Variants in ELP2 observed in about 807,000 individuals in gnomAD.
ELP2 encodes elongator acetyltransferase complex subunit 2, also known as elongator complex protein 2.
ELP2 carries 90 observed loss-of-function variants against 119.2 expected under a neutral mutation model. The observed-to-expected ratio is 0.75, with a 90% confidence interval of 0.64 to 0.90. The LOEUF (loss-of-function observed/expected upper bound fraction) is 0.90. Among genes scored for constraint, ELP2 ranks in the 40% least tolerant of loss-of-function variants. The pLI is 0.00. For synonymous variants in ELP2, 339 were observed against 331.0 expected (o/e 1.02, Z -0.26); for missense variants, 921 against 967.8 (o/e 0.95, Z 0.64).
Position 36,144,926 on chromosome 18 carries a change from G to T in ELP2, c.797-13G>T. On this transcript the variant is annotated splice_polypyrimidine_tract_variant and intron_variant, in intron 8 of 21. Transcript: ENST00000358232. ...GCTTTGAGGAAATAATACCTTCATT[G>T]CTTTTGTTATAGGTGTTAAAATAGC... 1.2e-6 allele frequency: 2 copies of T among 1,600,274 alleles called. No homozygotes were observed. The highest frequency in any genetic ancestry group is 1.7e-6 in the Non-Finnish European group (2 of 1,167,630).
At chr18:36,146,499 A>C in intron 11 of ELP2, 118 bp downstream of exon 11, 1 of 1,146,978 alleles carries the variant, frequency 8.7e-7, no homozygotes, top group Non-Finnish European at 1.3e-6. Context: ...AGTTCAAGTG[A>C]CATAACTTTT....
chr18:36,158,560 C>G (rs1165480236), intron 13 of ELP2: 9 of 355,278 alleles, frequency 2.5e-5, no homozygotes, highest in Non-Finnish European at 4.8e-5. Context: ...GATGAGGTCC[C>G]TTTATGGATG....
chr18:36,142,740 A>AAT, intron 7 of ELP2, 86 bp from the exon 8 acceptor site: 7 of 872,388 alleles, frequency 8.0e-6, no homozygotes, highest in African/African-American at 1.7e-5. Flanking sequence ...AAAATCTGGA[A>AAT]ATATATATAT....
chr18:36,139,448 G>A, intron 5 of ELP2: 1 of 1,535,684 alleles, frequency 6.5e-7, no homozygotes, highest in South Asian at 1.2e-5. Context: ...GGTGGAACGA[G>A]GCAGGGCCTG....
chr18:36,150,333 A>T (rs926349665), intron 11 of ELP2, among the ~76,000 whole-genome samples: 6 of 152,226 alleles, frequency 3.9e-5, no homozygotes, highest in African/African-American at 1.2e-4. Flanking sequence ...GGGGAAAAGA[A>T]ACTCCTTGCT....
chr18:36,158,953 C>T (rs1598805730), intron 14 of ELP2, 49 bp downstream of exon 14: 1 of 1,250,708 alleles, frequency 8.0e-7, no homozygotes, highest in East Asian at 2.3e-5. Flanking sequence ...GTACTTAAAC[C>T]CCAGTCATAC....
intron 21 of ELP2, 130 bp from the exon 22 acceptor site, chr18:36,174,355 A>G: frequency 1.1e-6 from 1 of 920,038 alleles, no homozygotes; most frequent in Non-Finnish European, 1.6e-6. Flanking sequence ...TCCAGGTTAA[A>G]ATAAAATGGC....
chr18:36,156,406 A>G, intron 12 of ELP2, 60 bp from the exon 13 acceptor site: 2 of 1,485,690 alleles, frequency 1.3e-6, no homozygotes, highest in Non-Finnish European at 1.9e-6. Context: ...TCATCTAATA[A>G]TTTGCTTATT....
chr18:36,145,177 G>A (rs2144647467), intron 9 of ELP2, 143 bp downstream of exon 9: 2 of 697,342 alleles, frequency 2.9e-6, no homozygotes, highest in Non-Finnish European at 5.2e-6. Flanking sequence ...GTATAATACT[G>A]CATTCCTGGT....
intron 9 of ELP2, among the ~76,000 whole-genome samples, chr18:36,145,565 A>G (rs925010006): frequency 2.6e-5 from 4 of 152,202 alleles, no homozygotes; most frequent in Non-Finnish European, 5.9e-5. Context: ...AACAGTAATA[A>G]TTAATTCTTA....
At position 36,161,010 on chromosome 18, in the gene ELP2, G is replaced by A. The variant is rs755141362; in HGVS notation, c.1761+6G>A. 1 of 1,610,920 alleles carries A rather than the reference G, an allele frequency of 6.2e-7. No homozygotes were observed. The highest frequency in any genetic ancestry group is 8.5e-7 in the Non-Finnish European group (1 of 1,177,194). On this transcript the variant is annotated splice_donor_region_variant and intron_variant, in intron 17 of 21. Coordinates refer to ENST00000358232, the MANE Select transcript of ELP2 (RefSeq NM_018255.4). ...TGCTTGCCTCAGCTTGTAAGGTAGGGAAGTTTACTTTTGATTCTGCTTGGT... is the reference window on the plus strand; with the variant it reads ...TGCTTGCCTCAGCTTGTAAGGTAGGAAAGTTTACTTTTGATTCTGCTTGGT...
At chr18:36,135,913 C>CA (rs1567974306) in intron 2 of ELP2, among the ~76,000 whole-genome samples, 1 of 151,890 alleles carries the variant, frequency 6.6e-6, no homozygotes, top group Non-Finnish European at 1.5e-5. Context: ...GAATCCCAAA[C>CA]AAAAAAAGTT....
At position 36,156,638 on chromosome 18, in the gene ELP2, A is replaced by T; in HGVS notation, c.1448A>T (p.Asn483Ile). 6.2e-7 allele frequency: 1 copy of T among 1,614,072 alleles called. No homozygotes were observed. The highest frequency in any genetic ancestry group is 8.5e-7 in the Non-Finnish European group (1 of 1,179,948). The change falls in exon 13 of 22, where the codon AAT (asparagine) becomes ATT (isoleucine). Residue 483 changes from asparagine to isoleucine, a missense_variant. By Grantham distance (149) the Asn-to-Ile change is moderately radical. Coordinates refer to ENST00000358232, the MANE Select transcript of ELP2 (RefSeq NM_018255.4). ...TGTGCCATTACAGGACAATCACTGAATCATGTGCTCTGTAATGTGAGTATT... is the reference window on the plus strand; with the variant it reads ...TGTGCCATTACAGGACAATCACTGATTCATGTGCTCTGTAATGTGAGTATT... ...NFCAITGQSL[N>I]HVLCNQDSDL...
chr18:36,169,991 G>A (rs925528630), intron 19 of ELP2, 72 bp from the exon 20 acceptor site: 9 of 1,591,886 alleles, frequency 5.7e-6, no homozygotes, highest in East Asian at 4.5e-5. Context: ...TATCTTTGCC[G>A]ATGAAACTGT....
chr18:36,162,328 T>C (rs1207726259), intron 17 of ELP2, among the ~76,000 whole-genome samples: 1 of 152,178 alleles, frequency 6.6e-6, no homozygotes, highest in Non-Finnish European at 1.5e-5. Flanking sequence ...AGTATGTACT[T>C]TTTTGGTTTT....
At chr18:36,158,532 A>C in intron 13 of ELP2, 1 of 280,520 alleles carries the variant, frequency 3.6e-6, no homozygotes, top group Non-Finnish European at 6.9e-6. Context: ...CCTGAAACCC[A>C]TTGAAATGTT....
intron 5 of ELP2, chr18:36,139,359 T>C: frequency 2.1e-6 from 3 of 1,459,750 alleles, no homozygotes; most frequent in Non-Finnish European, 2.7e-6. Flanking sequence ...TATTTATCTT[T>C]GAGTATCTTC....
chr18:36,138,454 C>T (rs1161647143), intron 4 of ELP2, 28 bp downstream of exon 4: 2 of 1,610,078 alleles, frequency 1.2e-6, no homozygotes, highest in Non-Finnish European at 1.7e-6. Flanking sequence ...ATAATCCAGA[C>T]AAATGAAATA....
At chr18:36,132,974 G>C (rs2089686381) in intron 1 of ELP2, among the ~76,000 whole-genome samples, 1 of 152,144 alleles carries the variant, frequency 6.6e-6, no homozygotes, top group Middle Eastern at 3.2e-3. Flanking sequence ...AGCAGAAGCA[G>C]GTGGGTGGAT....
Sources: allele counts gnomAD v4.1 joint callset (sites outside exome capture counted in the v4.1 genomes callset), GRCh38; gene constraint gnomAD v4.1.1; transcripts MANE v1.5; gene names NCBI Gene and HGNC (gene_info 2026-07-23, HGNC 2026-07-21).